GLIS3: variants seen among roughly 807,000 people sequenced by gnomAD.
The protein encoded by GLIS3 is GLIS family zinc finger 3.
Under a neutral mutation model 78.6 loss-of-function variants are expected in GLIS3, and 53 were observed. That is an observed-to-expected ratio of 0.67 (90% CI 0.54 to 0.85). GLIS3 has a LOEUF of 0.85. Among genes scored for constraint, GLIS3 ranks in the 40% least tolerant of loss-of-function variants. GLIS3 has a pLI of 0.00. For missense variants in GLIS3, 1,703 were observed against 1,231.1 expected (o/e 1.38, Z -5.74); for synonymous variants, 684 against 509.9 (o/e 1.34, Z -4.60).
At chr9:4,176,027 C>A (rs1052041059) in intron 2 of GLIS3, among the ~76,000 whole-genome samples, 2 of 152,168 alleles carry the variant, frequency 1.3e-5, no homozygotes, top group Non-Finnish European at 2.9e-5. Flanking sequence ...CAACCCTGCA[C>A]ACAGAGAACT....
At chr9:4,330,282 AC>A (rs1420287338) in intron 2 of GLIS3, among the ~76,000 whole-genome samples, 2 of 152,196 alleles carry the variant, frequency 1.3e-5, no homozygotes, top group Non-Finnish European at 2.9e-5. Context: ...CATTCAAATC[AC>A]CTGGAAGGCC....
rs1224209306 is a variant in GLIS3 at position 4,242,431 on chromosome 9, C to T, written c.388+43607G>A. On this transcript the variant is annotated intron_variant, in intron 2 of 10. Transcript: ENST00000381971. ...TATTCAGGGCTCTATAGGAATCCAG[C>T]TGCTCCCTCTGAGGTGAAACCAACC... Among the ~76,000 whole-genome samples, 6 of 152,162 alleles carry T rather than the reference C, an allele frequency of 3.9e-5. No individual in the cohort carries two copies. In the East Asian group the frequency reaches 1.2e-3, roughly 29 times the overall value.
intron 2 of GLIS3, among the ~76,000 whole-genome samples, chr9:4,136,041 G>A (rs1293780728): frequency 6.6e-6 from 1 of 152,168 alleles, no homozygotes; most frequent in Non-Finnish European, 1.5e-5. Context: ...ACCAAAGGAT[G>A]ACAATTAGAA....
the GLIS3 span, among the ~76,000 whole-genome samples, chr9:4,390,811 G>A: frequency 6.6e-6 from 1 of 152,212 alleles, no homozygotes; most frequent in Non-Finnish European, 1.5e-5. Context: ...GACTCCGCTG[G>A]GACAGGGTTT....
chr9:4,409,967 G>A, the GLIS3 span, among the ~76,000 whole-genome samples: 1 of 151,994 alleles, frequency 6.6e-6, no homozygotes, highest in Admixed American at 6.5e-5. Flanking sequence ...CTAGGTTTTG[G>A]GAGGTCTGTA....
At chr9:4,058,321 A>C (rs116427762) in intron 4 of GLIS3, among the ~76,000 whole-genome samples, 2,326 of 152,268 alleles carry the variant, frequency 0.015, 59 homozygotes, top group African/African-American at 0.054. Context: ...CATAAAAAAA[A>C]GCATGGCAGA....
chr9:4,305,216 A>C (rs563090392), intron 4 of GLIS3: 1 of 152,264 alleles, frequency 6.6e-6, no homozygotes, highest in Non-Finnish European at 1.5e-5. Context: ...AGGGCAGGAA[A>C]CCCTACTTCC....
chr9:3,987,055 T>C (rs1819799449), intron 4 of GLIS3, among the ~76,000 whole-genome samples: 2 of 152,138 alleles, frequency 1.3e-5, no homozygotes, highest in African/African-American at 2.4e-5. Context: ...GTCATAAAAA[T>C]GCTTCAACAA....
chr9:3,980,555 C>G (rs1819178780), intron 4 of GLIS3, among the ~76,000 whole-genome samples: 1 of 152,174 alleles, frequency 6.6e-6, no homozygotes, highest in Non-Finnish European at 1.5e-5. Context: ...GTTTAGACAC[C>G]TTTGACAGCC....
chr9:4,270,749 C>T (rs927006659), intron 2 of GLIS3, among the ~76,000 whole-genome samples: 6 of 152,242 alleles, frequency 3.9e-5, no homozygotes, highest in African/African-American at 1.4e-4. Context: ...TCTCCTTCTG[C>T]CTTCAGCCTC....
chr9:4,265,894 C>G (rs889033777), intron 2 of GLIS3, among the ~76,000 whole-genome samples: 2 of 121,710 alleles, frequency 1.6e-5, no homozygotes, highest in African/African-American at 6.1e-5. Context: ...TGCACTCACC[C>G]TGGTTTTTTT....
At chr9:3,907,161 C>T (rs1823766328) in intron 6 of GLIS3, among the ~76,000 whole-genome samples, 1 of 152,208 alleles carries the variant, frequency 6.6e-6, no homozygotes, top group East Asian at 1.9e-4. Context: ...TGGACATGTG[C>T]ACTGGGGCTT....
At chr9:4,294,982 G>T (rs1032712446) in intron 1 of GLIS3, among the ~76,000 whole-genome samples, 4 of 152,108 alleles carry the variant, frequency 2.6e-5, no homozygotes, top group Non-Finnish European at 5.9e-5. Context: ...GAATCCCATG[G>T]CTTATGGAAC....
intron 2 of GLIS3, among the ~76,000 whole-genome samples, chr9:4,218,177 C>T (rs980098654): frequency 6.6e-6 from 1 of 152,254 alleles, no homozygotes; most frequent in African/African-American, 2.4e-5. Flanking sequence ...GCTACCACAT[C>T]GTATCAATCA....
chr9:4,373,551 T>C, the GLIS3 span, among the ~76,000 whole-genome samples: 1 of 152,150 alleles, frequency 6.6e-6, no homozygotes, highest in East Asian at 1.9e-4. Context: ...CAATTTGAAA[T>C]ATTTAAATAC....
At chr9:3,926,391 T>C (rs1373128521) in intron 6 of GLIS3, among the ~76,000 whole-genome samples, 2 of 151,902 alleles carry the variant, frequency 1.3e-5, no homozygotes, top group Admixed American at 1.3e-4. Flanking sequence ...CCACCACGCC[T>C]GGCTAATTTT....
chr9:4,437,674 T>G, the GLIS3 span, among the ~76,000 whole-genome samples: 2 of 152,100 alleles, frequency 1.3e-5, no homozygotes, highest in African/African-American at 4.8e-5. Context: ...TTATACCAAG[T>G]GTGCCTGCCT....
intron 2 of GLIS3, among the ~76,000 whole-genome samples, chr9:4,259,136 G>A (rs1208401455): frequency 1.3e-5 from 2 of 152,126 alleles, no homozygotes; most frequent in Non-Finnish European, 2.9e-5. Flanking sequence ...TTTGTTGCAA[G>A]ATGAACATTT....
At chr9:4,142,893 A>T (rs1446861961) in intron 2 of GLIS3, among the ~76,000 whole-genome samples, 2 of 152,180 alleles carry the variant, frequency 1.3e-5, no homozygotes, top group African/African-American at 4.8e-5. Flanking sequence ...AATTTTGAGA[A>T]ATCAAATTAT....
Sources: allele counts gnomAD v4.1 joint callset (sites outside exome capture counted in the v4.1 genomes callset), GRCh38; gene constraint gnomAD v4.1.1; transcripts MANE v1.5; gene names NCBI Gene and HGNC (gene_info 2026-07-23, HGNC 2026-07-21).